Variants in PHF21A observed in about 807,000 individuals in gnomAD.
The protein encoded by PHF21A is PHD finger protein 21A.
PHF21A carries 11 observed loss-of-function variants against 82.5 expected under a neutral mutation model. That is an observed-to-expected ratio of 0.13 (90% CI 0.08 to 0.22). The LOEUF (loss-of-function observed/expected upper bound fraction) is 0.22. Among genes scored for constraint, PHF21A ranks in the 10% least tolerant of loss-of-function variants. The pLI, the probability that PHF21A is intolerant of heterozygous loss-of-function variation, is 1.00. For synonymous variants in PHF21A, 297 were observed against 302.8 expected (o/e 0.98, Z 0.20); for missense variants, 579 against 837.8 (o/e 0.69, Z 3.81).
intron 6 of PHF21A, among the ~76,000 whole-genome samples, chr11:45,998,709 T>TC (rs1012153182): frequency 1.3e-5 from 2 of 151,848 alleles, no homozygotes; most frequent in African/African-American, 4.8e-5. Flanking sequence ...ACGGGGTTTC[T>TC]CCATGTTGGT....
chr11:46,013,852 G>A (rs544938060), intron 6 of PHF21A, among the ~76,000 whole-genome samples: 12 of 152,174 alleles, frequency 7.9e-5, no homozygotes, highest in South Asian at 2.1e-4. Context: ...GATGAAAAAC[G>A]GTAAACCAGC....
At chr11:46,076,526 T>C (rs996774549) in intron 6 of PHF21A, among the ~76,000 whole-genome samples, 1 of 152,176 alleles carries the variant, frequency 6.6e-6, no homozygotes, top group African/African-American at 2.4e-5. Flanking sequence ...GCCTGCCACA[T>C]TGCTTTTAGG....
intron 1 of PHF21A, among the ~76,000 whole-genome samples, chr11:46,119,381 C>T (rs1852329438): frequency 6.6e-6 from 1 of 152,200 alleles, no homozygotes; most frequent in Non-Finnish European, 1.5e-5. Flanking sequence ...TTCTAGAAAT[C>T]CAGACTCCCA....
At chr11:46,025,163 T>A (rs935853621) in intron 6 of PHF21A, among the ~76,000 whole-genome samples, 1 of 152,020 alleles carries the variant, frequency 6.6e-6, no homozygotes, top group South Asian at 2.1e-4. Flanking sequence ...GAAAATAATT[T>A]TCTCTGGGGC....
intron 6 of PHF21A, among the ~76,000 whole-genome samples, chr11:46,019,498 G>A (rs1010718502): frequency 1.3e-5 from 2 of 152,110 alleles, no homozygotes; most frequent in African/African-American, 4.8e-5. Context: ...TAAAAGCAGG[G>A]ATCAGAGGAA....
intron 6 of PHF21A, among the ~76,000 whole-genome samples, chr11:46,024,069 C>T (rs2095688761): frequency 6.6e-6 from 1 of 152,212 alleles, no homozygotes; most frequent in Non-Finnish European, 1.5e-5. Context: ...GGATTAGTTG[C>T]AATTGGTTAT....
chr11:46,058,323 G>A (rs2096488276), intron 6 of PHF21A, among the ~76,000 whole-genome samples: 1 of 152,170 alleles, frequency 6.6e-6, no homozygotes, highest in African/African-American at 2.4e-5. Flanking sequence ...AGGCTTAACT[G>A]TGTCACATTG....
At chr11:45,985,381 CAG>C (rs1288957941) in intron 6 of PHF21A, among the ~76,000 whole-genome samples, 1 of 152,108 alleles carries the variant, frequency 6.6e-6, no homozygotes, top group Non-Finnish European at 1.5e-5. Context: ...TTAATGGAAA[CAG>C]AAACTAAGTG....
chr11:46,016,448 C>T (rs768693677), intron 6 of PHF21A, among the ~76,000 whole-genome samples: 2 of 152,158 alleles, frequency 1.3e-5, no homozygotes, highest in Non-Finnish European at 2.9e-5. Flanking sequence ...TGCCTCTGTA[C>T]CTTTGCCTTT....
At chr11:45,947,130 G>T (rs1162807746) in intron 14 of PHF21A, among the ~76,000 whole-genome samples, 1 of 152,156 alleles carries the variant, frequency 6.6e-6, no homozygotes, top group African/African-American at 2.4e-5. Context: ...CCTGATTTGT[G>T]TAAGAGCATT....
chr11:46,046,093 T>G (rs146396740), intron 6 of PHF21A, among the ~76,000 whole-genome samples: 1 of 152,228 alleles, frequency 6.6e-6, no homozygotes, highest in Admixed American at 6.5e-5. Context: ...CCAAACTTAT[T>G]TGAAAGCTGA....
intron 5 of PHF21A, among the ~76,000 whole-genome samples, chr11:46,077,293 C>T (rs867890922): frequency 6.6e-6 from 1 of 152,188 alleles, no homozygotes; most frequent in African/African-American, 2.4e-5. Flanking sequence ...TTATTTTAGC[C>T]TAGATCTGAA....
intron 8 of PHF21A, 104 bp downstream of exon 8, chr11:45,971,012 A>G: frequency 1.5e-6 from 2 of 1,350,324 alleles, no homozygotes; most frequent in Non-Finnish European, 2.0e-6. Flanking sequence ...TAGAAGAATG[A>G]TGGAAACTGA....
chr11:46,084,405 A>G (rs2096830852), intron 3 of PHF21A, 103 bp from the exon 4 acceptor site: 1 of 446,654 alleles, frequency 2.2e-6, no homozygotes. Flanking sequence ...TCTCTAACGC[A>G]GGGCAAGAAA....
At chr11:46,093,805 G>A (rs923504919) in intron 1 of PHF21A, among the ~76,000 whole-genome samples, 6 of 152,156 alleles carry the variant, frequency 3.9e-5, no homozygotes, top group Non-Finnish European at 8.8e-5. Flanking sequence ...AGCTCTTTTA[G>A]GCTGGGGATA....
At chr11:45,971,418 T>C in intron 7 of PHF21A, 51 bp from the exon 8 acceptor site, 1 of 1,504,910 alleles carries the variant, frequency 6.6e-7, no homozygotes, top group Middle Eastern at 2.1e-4. Context: ...AACTAAATAA[T>C]AAACTAAATC....
chr11:46,008,999 C>T (rs148163974), intron 6 of PHF21A, among the ~76,000 whole-genome samples: 16 of 121,580 alleles, frequency 1.3e-4, no homozygotes, highest in African/African-American at 4.2e-4. Context: ...TTTTTGGAGA[C>T]GGAGTCTCAC....
At chr11:46,074,462 A>C (rs2860403) in intron 6 of PHF21A, among the ~76,000 whole-genome samples, 12 of 133,950 alleles carry the variant, frequency 9.0e-5, no homozygotes, top group South Asian at 2.6e-4. Context: ...TTTTGGCGGG[A>C]GGGGGGAAGG....
chr11:46,063,393 G>T (rs186836158), intron 6 of PHF21A, among the ~76,000 whole-genome samples: 65 of 152,284 alleles, frequency 4.3e-4, no homozygotes, highest in Non-Finnish European at 7.4e-4. Context: ...TAACCAGATA[G>T]TAACTACTGT....
Sources: gnomAD v4.1 joint callset for allele counts (sites outside exome capture counted in the v4.1 genomes callset) on GRCh38, gnomAD v4.1.1 for gene constraint, MANE v1.5 for transcripts, NCBI Gene and HGNC (gene_info 2026-07-23, HGNC 2026-07-21) for gene names.